The following GREB1L variants were observed in gnomAD, a reference collection of about 807,000 sequenced individuals.
The protein encoded by GREB1L is GREB1-like protein.
Under a neutral mutation model 200.8 loss-of-function variants are expected in GREB1L, and 17 were observed. That is an observed-to-expected ratio of 0.08 (90% CI 0.06 to 0.13). GREB1L has a LOEUF of 0.13. Among genes scored for constraint, GREB1L ranks in the 10% least tolerant of loss-of-function variants. The probability of loss-of-function intolerance (pLI) is 1.00; values close to 1 mark genes in which losing one functional copy is unlikely to be tolerated. For synonymous variants in GREB1L, 789 were observed against 893.0 expected, an observed-to-expected ratio of 0.88 and a Z score of 2.08; for missense variants, 1,657 against 2,367.7, an observed-to-expected ratio of 0.70 and a Z score of 6.23.
intron 2 of GREB1L, among the ~76,000 whole-genome samples, chr18:21,370,297 TA>T (rs2039825859): frequency 6.6e-6 from 1 of 152,168 alleles, no homozygotes; most frequent in African/African-American, 2.4e-5. Flanking sequence ...TGGGGGAAGT[TA>T]GACAGATACT....
intron 7 of GREB1L, among the ~76,000 whole-genome samples, chr18:21,434,735 C>T (rs1215276026): frequency 6.6e-6 from 1 of 151,828 alleles, no homozygotes; most frequent in African/African-American, 2.4e-5. Flanking sequence ...CTTAAAATAG[C>T]ATGCATCACG....
chr18:21,449,366 T>G, intron 11 of GREB1L, 144 bp from the exon 12 acceptor site: 1 of 563,560 alleles, frequency 1.8e-6, no homozygotes. Flanking sequence ...GACTCTATAC[T>G]TGTGACCACT....
chr18:21,325,694 G>C (rs1004996245), intron 1 of GREB1L, among the ~76,000 whole-genome samples: 1 of 151,410 alleles, frequency 6.6e-6, no homozygotes, highest in Non-Finnish European at 1.5e-5. Context: ...CATGCCTGTA[G>C]TCCCAGCTAC....
At chr18:21,415,879 C>G (rs1200188740) in intron 7 of GREB1L, among the ~76,000 whole-genome samples, 3 of 152,194 alleles carry the variant, frequency 2.0e-5, no homozygotes, top group Admixed American at 2.0e-4. Context: ...CAAAACAAAG[C>G]TCAAGGATAT....
chr18:21,389,708 G>T (rs1321172005), intron 4 of GREB1L, among the ~76,000 whole-genome samples: 1 of 152,022 alleles, frequency 6.6e-6, no homozygotes, highest in Non-Finnish European at 1.5e-5. Flanking sequence ...TCTCCCTTTT[G>T]CAATGTATTG....
In GREB1L at chr18:21,454,579, C is replaced by G; in HGVS notation, c.2182+16C>G. The G allele has an allele frequency of 6.5e-7, 1 of 1,539,624 alleles. No homozygotes were observed. The highest frequency in any genetic ancestry group is 8.8e-7 in the Non-Finnish European group (1 of 1,135,896). ...CGACAATCAGGTAAGAGTGAACTTT[C>G]AAAGAGGAGCCCACCTAGATCCAGC... is the stretch of plus-strand genomic sequence containing the variant. On this transcript the variant is annotated intron_variant, in intron 15 of 32. Transcript: ENST00000424526.
At chr18:21,504,769 C>T (rs1243508641) in intron 23 of GREB1L, among the ~76,000 whole-genome samples, 2 of 152,134 alleles carry the variant, frequency 1.3e-5, no homozygotes, top group African/African-American at 4.8e-5. Flanking sequence ...GTTGAGGCTG[C>T]ATTAATGCTT....
intron 16 of GREB1L, among the ~76,000 whole-genome samples, chr18:21,475,394 C>A (rs931265344): frequency 3.3e-5 from 5 of 152,124 alleles, no homozygotes; most frequent in African/African-American, 1.2e-4. Context: ...GAGTCTCACT[C>A]TGTCACCCAG....
chr18:21,278,384 AAAAAAAAAT>A (rs1377604614), intron 1 of GREB1L, among the ~76,000 whole-genome samples: 1,453 of 127,090 alleles, frequency 0.011, 46 homozygotes, highest in African/African-American at 0.048. Context: ...CCATCTCAAA[AAAAAAAAAT>A]AAATAAATAA....
chr18:21,306,394 T>A (rs2038700743), intron 1 of GREB1L, among the ~76,000 whole-genome samples: 1 of 152,210 alleles, frequency 6.6e-6, no homozygotes, highest in South Asian at 2.1e-4. Flanking sequence ...GGTTATTCAA[T>A]CAATTTGTGG....
At chr18:21,347,989 G>A (rs1456542037) in intron 1 of GREB1L, among the ~76,000 whole-genome samples, 1 of 119,408 alleles carries the variant, frequency 8.4e-6, no homozygotes, top group Non-Finnish European at 1.6e-5. Context: ...CTGTCGCCCA[G>A]CCTGGAATGC....
At chr18:21,419,758 T>G (rs780616690) in intron 7 of GREB1L, among the ~76,000 whole-genome samples, 8 of 152,206 alleles carry the variant, frequency 5.3e-5, no homozygotes, top group Admixed American at 2.0e-4. Context: ...CACAACTGAC[T>G]TTTTAACAAA....
intron 4 of GREB1L, among the ~76,000 whole-genome samples, chr18:21,388,359 T>C (rs2040630485): frequency 6.6e-6 from 1 of 152,116 alleles, no homozygotes; most frequent in Admixed American, 6.5e-5. Context: ...TATCTTAGTA[T>C]AGGACATTTG....
At chr18:21,488,286 A>T (rs1041476447) in intron 18 of GREB1L, among the ~76,000 whole-genome samples, 1 of 152,036 alleles carries the variant, frequency 6.6e-6, no homozygotes, top group African/African-American at 2.4e-5. Flanking sequence ...ACAGAGCGGG[A>T]CTCTGTCTCG....
At chr18:21,403,198 C>A (rs1317132917) in intron 6 of GREB1L, among the ~76,000 whole-genome samples, 8 of 152,160 alleles carry the variant, frequency 5.3e-5, no homozygotes, top group African/African-American at 1.4e-4. Flanking sequence ...GTCCCACAGG[C>A]TGTCATAGTA....
At chr18:21,366,768 G>A (rs1281295931) in intron 2 of GREB1L, among the ~76,000 whole-genome samples, 1 of 151,928 alleles carries the variant, frequency 6.6e-6, no homozygotes, top group African/African-American at 2.4e-5. Flanking sequence ...AAATAGCCTG[G>A]CATTTCCAAG....
At chr18:21,507,069 T>C (rs1307841908) in intron 25 of GREB1L, among the ~76,000 whole-genome samples, 2 of 152,180 alleles carry the variant, frequency 1.3e-5, no homozygotes, top group Admixed American at 6.5e-5. Context: ...GGATATACTT[T>C]AAAAAACTGA....
Position 21,524,555 on chromosome 18 carries a change from A to T in GREB1L, c.*1734A>T, listed in dbSNP as rs1045551977. 1.3e-5 allele frequency: 2 copies of T among 152,196 alleles called. No individual in the cohort carries two copies. Among genetic ancestry groups the T allele is most frequent in the East Asian group, 3.8e-4 (2 of 5,202 alleles). The allele number at this position is 152,196 out of a possible 1,614,324, so 9.4% of individuals were successfully genotyped here. A position where few individuals can be genotyped will look rare whatever the true frequency, so the allele number is the denominator to read the frequency against. On this transcript the variant is annotated 3_prime_UTR_variant, in exon 33 of 33. Coordinates refer to ENST00000424526, the MANE Select transcript of GREB1L (RefSeq NM_001142966.3). Reference sequence around the variant, plus strand: ...TGTTCCTGTTTTGTTGAAAGGGCCTAATGCAAATAATACCAAGAAACCCAC... The same window carrying T: ...TGTTCCTGTTTTGTTGAAAGGGCCTTATGCAAATAATACCAAGAAACCCAC...
chr18:21,290,445 A>T (rs187276692), intron 1 of GREB1L, among the ~76,000 whole-genome samples: 1 of 152,212 alleles, frequency 6.6e-6, no homozygotes, highest in Non-Finnish European at 1.5e-5. Flanking sequence ...ATGTTTATAT[A>T]ATCCTTAACT....
Sources: gnomAD v4.1 joint callset for allele counts (sites outside exome capture counted in the v4.1 genomes callset) on GRCh38, gnomAD v4.1.1 for gene constraint, MANE v1.5 for transcripts, NCBI Gene and HGNC (gene_info 2026-07-23, HGNC 2026-07-21) for gene names.